Variants in ADAM23 observed in about 807,000 individuals in gnomAD.
ADAM23 encodes the protein disintegrin and metalloproteinase domain-containing protein 23.
ADAM23 carries 33 observed loss-of-function variants against 120.1 expected under a neutral mutation model. That is an observed-to-expected ratio of 0.27 (90% CI 0.21 to 0.37). ADAM23 has a LOEUF of 0.37. Ranked by LOEUF, ADAM23 falls within the 10% of genes least tolerant of loss-of-function variation. The pLI, the probability that ADAM23 is intolerant of heterozygous loss-of-function variation, is 1.00. For synonymous variants in ADAM23, 367 were observed against 375.2 expected (o/e 0.98, Z 0.25); for missense variants, 862 against 1,058.2 (o/e 0.81, Z 2.57).
chr2:206,589,564 T>C, intron 21 of ADAM23, 50 bp downstream of exon 21: 1 of 1,470,220 alleles, frequency 6.8e-7, no homozygotes, highest in Non-Finnish European at 9.3e-7. Context: ...AAGCCCTTCT[T>C]ATGCAAGTGC....
At chr2:206,457,039 A>G (rs1695315433) in intron 2 of ADAM23, among the ~76,000 whole-genome samples, 1 of 152,252 alleles carries the variant, frequency 6.6e-6, no homozygotes, top group African/African-American at 2.4e-5. Flanking sequence ...GGCTCCATTA[A>G]CAATGTGAAT....
intron 3 of ADAM23, among the ~76,000 whole-genome samples, chr2:206,486,083 C>T (rs1016852866): frequency 9.2e-5 from 14 of 152,120 alleles, no homozygotes; most frequent in African/African-American, 3.4e-4. Flanking sequence ...TGCAGTCAGG[C>T]GATGAAGGAC....
intron 3 of ADAM23, among the ~76,000 whole-genome samples, chr2:206,511,064 A>G (rs750954279): frequency 3.3e-5 from 5 of 151,990 alleles, no homozygotes; most frequent in African/African-American, 9.7e-5. Context: ...TTTTTTGTCT[A>G]TCATCTCTAT....
intron 2 of ADAM23, among the ~76,000 whole-genome samples, chr2:206,471,873 C>CAA (rs1695666772): frequency 6.6e-6 from 1 of 152,108 alleles, no homozygotes; most frequent in African/African-American, 2.4e-5. Context: ...TATTTTTACT[C>CAA]ATCTTTCAAA....
At chr2:206,609,233 G>A (rs1698785376) in intron 24 of ADAM23, among the ~76,000 whole-genome samples, 1 of 152,130 alleles carries the variant, frequency 6.6e-6, no homozygotes, top group Non-Finnish European at 1.5e-5. Flanking sequence ...ATTCTCAGTT[G>A]AATCTAAGGA....
Position 206,444,082 on chromosome 2 carries a change from TG to T in ADAM23, c.214+5del. 7.4e-7 allele frequency: 1 copy of T among 1,354,230 alleles called. No individual in the cohort carries two copies. The highest frequency in any genetic ancestry group is 2.3e-4 in the Middle Eastern group (1 of 4,264). The allele number at this position is 1,354,230 out of a possible 1,614,324, so 83.9% of individuals were successfully genotyped here. On this transcript the variant is annotated splice_donor_region_variant and intron_variant, in intron 1 of 25. Coordinates refer to ENST00000264377, the MANE Select transcript of ADAM23 (RefSeq NM_003812.4). Reference sequence around the variant, plus strand: ...CCTGGGGGGCTGCTGCGCCCAGCGGTGGGTATGGCCCCGTGCCCTTTGCGTT... The same window carrying T: ...CCTGGGGGGCTGCTGCGCCCAGCGGTGGTATGGCCCCGTGCCCTTTGCGTT...
chr2:206,444,973 A>C, intron 1 of ADAM23, among the ~76,000 whole-genome samples: 1 of 146,752 alleles, frequency 6.8e-6, no homozygotes, highest in Admixed American at 7.0e-5. Context: ...TCATTTAATG[A>C]CTCTTCTTCC....
intron 3 of ADAM23, among the ~76,000 whole-genome samples, chr2:206,486,460 G>A (rs1457858099): frequency 6.6e-6 from 1 of 151,836 alleles, no homozygotes; most frequent in African/African-American, 2.4e-5. Flanking sequence ...TCAGTCCTTG[G>A]AAGTCTCAGA....
At chr2:206,590,389 C>T (rs190686905) in intron 21 of ADAM23, among the ~76,000 whole-genome samples, 1 of 152,220 alleles carries the variant, frequency 6.6e-6, no homozygotes, top group African/African-American at 2.4e-5. Context: ...TGAGTCACCA[C>T]GTCCAGCCTG....
At chr2:206,484,593 A>G (rs1695967913) in intron 3 of ADAM23, among the ~76,000 whole-genome samples, 1 of 152,186 alleles carries the variant, frequency 6.6e-6, no homozygotes, top group Admixed American at 6.5e-5. Flanking sequence ...TGCATAGTTA[A>G]GTATCAGGAT....
intron 3 of ADAM23, among the ~76,000 whole-genome samples, chr2:206,487,245 A>C (rs936506682): frequency 1.3e-5 from 2 of 152,202 alleles, no homozygotes; most frequent in African/African-American, 4.8e-5. Context: ...GATCTCATGG[A>C]ACTTATGATC....
intron 2 of ADAM23, among the ~76,000 whole-genome samples, chr2:206,468,875 C>T (rs1413411097): frequency 6.6e-6 from 1 of 152,164 alleles, no homozygotes; most frequent in Non-Finnish European, 1.5e-5. Flanking sequence ...GGGGAAGCCT[C>T]AGGGAGCTTT....
chr2:206,460,301 G>A (rs932320967), intron 2 of ADAM23, among the ~76,000 whole-genome samples: 2 of 152,198 alleles, frequency 1.3e-5, no homozygotes, highest in African/African-American at 4.8e-5. Context: ...AACCTCCATA[G>A]CATTTTCCAT....
chr2:206,606,670 T>C (rs1296253796), intron 24 of ADAM23: 1 of 152,234 alleles, frequency 6.6e-6, no homozygotes, highest in East Asian at 1.9e-4. Flanking sequence ...TTTAGGGTGC[T>C]CTGTACTTGA....
intron 22 of ADAM23, among the ~76,000 whole-genome samples, chr2:206,593,354 A>G (rs1039201493): frequency 6.6e-5 from 10 of 152,162 alleles, no homozygotes; most frequent in Admixed American, 2.6e-4. Context: ...CTCTTACTCA[A>G]TGGTATTGTT....
In ADAM23 at chr2:206,618,932, ATAAACT is replaced by A. The variant is rs1163543112; in HGVS notation, c.*1310_*1315del. 1 of 152,196 alleles carries A rather than the reference ATAAACT, an allele frequency of 6.6e-6. No homozygotes were observed. Among genetic ancestry groups the A allele is most frequent in the Non-Finnish European group, 1.5e-5 (1 of 68,032 alleles). 9.4% of individuals were successfully genotyped at this position (152,196 alleles called of 1,614,324 possible). On this transcript the variant is annotated 3_prime_UTR_variant, in exon 26 of 26. Transcript: ENST00000264377. ...TCCCTGTCTTTAATGTGAAAGGAGG[ATAAACT>A]TAAAGCCTTAAATAAAAAAATTTTT...
chr2:206,592,428 A>G (rs185262589), intron 21 of ADAM23, among the ~76,000 whole-genome samples, 189 bp from the exon 22 acceptor site: 3 of 152,336 alleles, frequency 2.0e-5, no homozygotes, highest in Admixed American at 6.5e-5. Flanking sequence ...TTGCTGTTCC[A>G]AACAAAACTG....
intron 18 of ADAM23, among the ~76,000 whole-genome samples, chr2:206,585,258 AG>A (rs1698300564): frequency 6.6e-6 from 1 of 152,168 alleles, no homozygotes; most frequent in Non-Finnish European, 1.5e-5. Context: ...TGGTTGCATA[AG>A]GTTAAGAGTG....
At chr2:206,454,805 G>A (rs1335633546) in intron 2 of ADAM23, among the ~76,000 whole-genome samples, 1 of 152,166 alleles carries the variant, frequency 6.6e-6, no homozygotes, top group Non-Finnish European at 1.5e-5. Flanking sequence ...TGAAATAATT[G>A]CCTTTCTCAC....
Sources: gnomAD v4.1 joint callset for allele counts (sites outside exome capture counted in the v4.1 genomes callset) on GRCh38, gnomAD v4.1.1 for gene constraint, MANE v1.5 for transcripts, NCBI Gene and HGNC (gene_info 2026-07-23, HGNC 2026-07-21) for gene names.